RSPH3: variants seen among roughly 807,000 people sequenced by gnomAD.
RSPH3 encodes the protein radial spoke head 3, also known as radial spoke head protein 3 homolog.
In RSPH3, 21 loss-of-function variants were observed where a neutral mutation model predicts 43.8. The ratio of observed to expected loss-of-function variants is 0.48; its 90% CI spans 0.34 to 0.69. The LOEUF (loss-of-function observed/expected upper bound fraction) is 0.69. Among genes scored for constraint, RSPH3 ranks in the 30% least tolerant of loss-of-function variants. The probability of loss-of-function intolerance (pLI) is 0.01; values close to 1 mark genes in which losing one functional copy is unlikely to be tolerated. For synonymous variants in RSPH3, 173 were observed against 179.8 expected (o/e 0.96, Z 0.30); for missense variants, 487 against 516.0 (o/e 0.94, Z 0.54).
chr6:158,977,725 G>A lies in RSPH3; in HGVS notation c.1070C>T (p.Ala357Val). The change falls in exon 8 of 8, where the codon GCC becomes GTC. Residue 357 changes from alanine to valine, a missense_variant. Transcript: ENST00000367069. ...CATGCTCTGCTCCAGGAATTCAGAG[G>A]CCTCCAGTGACTCTGTCATTGCTCC... ...GPGAMTESLEASEFLEQSMSQ... is the reference protein window; with the variant it reads ...GPGAMTESLEVSEFLEQSMSQ... 1 of 1,614,054 alleles carries A rather than the reference G, an allele frequency of 6.2e-7. No homozygotes were observed. The highest frequency in any genetic ancestry group is 8.5e-7 in the Non-Finnish European group (1 of 1,179,946).
intron 4 of RSPH3, among the ~76,000 whole-genome samples, chr6:158,983,162 G>C (rs1280066643): frequency 6.6e-6 from 1 of 152,020 alleles, no homozygotes; most frequent in African/African-American, 2.4e-5. Flanking sequence ...AACTCACTTA[G>C]GTCATTATGA....
chr6:158,991,526 G>A (rs1778405715), intron 2 of RSPH3, among the ~76,000 whole-genome samples: 1 of 152,158 alleles, frequency 6.6e-6, no homozygotes, highest in South Asian at 2.1e-4. Context: ...TGGTGGTGTA[G>A]GGCGAGTGCA....
intron 2 of RSPH3, among the ~76,000 whole-genome samples, chr6:158,988,547 A>G (rs1457200404): frequency 3.3e-5 from 5 of 152,080 alleles, no homozygotes; most frequent in African/African-American, 9.7e-5. Context: ...GTAATTTTCT[A>G]TATCTTATAA....
the RSPH3 span, among the ~76,000 whole-genome samples, chr6:158,966,557 A>G: frequency 0.011 from 1,627 of 152,172 alleles, 26 homozygotes; most frequent in African/African-American, 0.036. Context: ...GGTAAATTGT[A>G]TCTTTCTAGG....
At chr6:158,966,806 T>C in the RSPH3 span, among the ~76,000 whole-genome samples, 8 of 152,130 alleles carry the variant, frequency 5.3e-5, no homozygotes, top group Non-Finnish European at 1.0e-4. Flanking sequence ...TGTTTTTCTA[T>C]TCTCTATTTC....
chr6:158,982,002 G>T (rs1041509367), intron 5 of RSPH3, among the ~76,000 whole-genome samples: 6 of 151,838 alleles, frequency 4.0e-5, no homozygotes, highest in Admixed American at 3.9e-4. Context: ...AACCCAAATA[G>T]GTCTGGTGTG....
chr6:158,982,363 A>C, intron 5 of RSPH3, 122 bp downstream of exon 5: 1 of 630,318 alleles, frequency 1.6e-6, no homozygotes, highest in African/African-American at 1.8e-5. Context: ...AATACTATAG[A>C]TCTTTTTCTA....
Position 158,977,356 on chromosome 6 carries a change from A to G in RSPH3, c.*182T>C, listed in dbSNP as rs1777877285. ...TTTGAATATTCTATTAAATAAATGA[A>G]TTCAATTTAAGTTTCATTCTCAAAT... is the stretch of plus-strand genomic sequence containing the variant. On this transcript the variant is annotated 3_prime_UTR_variant, in exon 8 of 8. Coordinates refer to ENST00000367069, the MANE Select transcript of RSPH3 (RefSeq NM_031924.8). The G allele has an allele frequency of 1.8e-6, 1 of 553,730 alleles. No individual in the cohort carries two copies. The highest frequency in any genetic ancestry group is 3.2e-6 in the Non-Finnish European group (1 of 317,106). The allele number at this position is 553,730 out of a possible 1,614,324, so 34.3% of individuals were successfully genotyped here. A position where few individuals can be genotyped will look rare whatever the true frequency, so the allele number is the denominator to read the frequency against.
intron 2 of RSPH3, among the ~76,000 whole-genome samples, chr6:158,991,761 T>C (rs895082936): frequency 2.6e-5 from 4 of 152,224 alleles, no homozygotes; most frequent in African/African-American, 7.2e-5. Flanking sequence ...GAGGTTCTAA[T>C]GCAGGAGATC....
intron 1 of RSPH3, among the ~76,000 whole-genome samples, chr6:158,997,170 T>A (rs117809745): frequency 0.018 from 2,706 of 152,182 alleles, 33 homozygotes; most frequent in Middle Eastern, 0.024. Flanking sequence ...CTTCTCAGTC[T>A]GCAGAGCTGT....
chr6:158,991,589 A>AT lies in RSPH3; in HGVS notation c.204+2249dup, dbSNP rs1457098378. On this transcript the variant is annotated intron_variant, in intron 2 of 7. Transcript: ENST00000367069. ...CTTGTTACTACCAGATAGGACTGCA[A>AT]TTCAGCTACCCCACTGGGTTTGCTG... Among the ~76,000 whole-genome samples, 5 of 152,182 alleles carry AT rather than the reference A, an allele frequency of 3.3e-5. No individual in the cohort carries two copies. The East Asian group carries it at 9.6e-4, about 29-fold the overall frequency.
In RSPH3 at chr6:158,977,744, T is replaced by C; in HGVS notation, c.1051A>G (p.Met351Val). 6.2e-7 allele frequency: 1 copy of C among 1,614,178 alleles called. No homozygotes were observed. Among genetic ancestry groups the C allele is most frequent in the South Asian group, 1.1e-5 (1 of 91,082 alleles). The stretch of plus-strand genomic sequence containing the variant: ...TCAGAGGCCTCCAGTGACTCTGTCA[T>C]TGCTCCAGGACCACCAGGCTCATCC... ...PEDEPGGPGAMTESLEASEFL... is the reference protein window; with the variant it reads ...PEDEPGGPGAVTESLEASEFL... The change falls in exon 8 of 8, where the codon ATG (methionine) becomes GTG (valine). Residue 351 changes from methionine to valine, a missense_variant. Transcript: ENST00000367069.
the RSPH3 span, among the ~76,000 whole-genome samples, chr6:158,966,735 G>C: frequency 4.4e-4 from 67 of 150,614 alleles, no homozygotes; most frequent in African/African-American, 1.6e-3. Flanking sequence ...TTTTGGGTTT[G>C]TCAATTTTGT....
Position 158,977,819 on chromosome 6 carries a change from G to T in RSPH3, c.976C>A (p.Leu326Met). 6.2e-7 allele frequency: 1 copy of T among 1,612,524 alleles called. No individual in the cohort carries two copies. The highest frequency in any genetic ancestry group is 2.2e-5 in the East Asian group (1 of 44,850). The change falls in exon 8 of 8, where the codon CTG (leucine) becomes ATG (methionine). Residue 326 changes from leucine (L) to methionine (M), a missense_variant. Transcript: ENST00000367069. ...MLIREVVEKR[L>M]CMYEHGEDTH... ...TCTTCCCCATGCTCATACATACACAGCCTCTTTTCAACCACCTCACGGATC... is the reference window on the plus strand; with the variant it reads ...TCTTCCCCATGCTCATACATACACATCCTCTTTTCAACCACCTCACGGATC...
intron 1 of RSPH3, among the ~76,000 whole-genome samples, chr6:158,997,318 C>T (rs1218888256): frequency 1.4e-5 from 2 of 141,534 alleles, no homozygotes; most frequent in Non-Finnish European, 3.0e-5. Flanking sequence ...GTCGCCCAGG[C>T]TGGAGTGCAG....
rs41267757 is a variant in RSPH3 at position 158,999,770 on chromosome 6, G to C, written c.-220C>G. 4.3e-6 allele frequency: 7 copies of C among 1,610,856 alleles called. No homozygotes were observed. Among genetic ancestry groups the C allele is most frequent in the African/African-American group, 1.3e-5 (1 of 74,888 alleles). The stretch of plus-strand genomic sequence containing the variant: ...TCCCAGCACCACAGAGACCAGCTGC[G>C]GGGGCCGCATCGGTTGCCCAGCAAC... On this transcript the variant is annotated 5_prime_UTR_variant, in exon 1 of 8. Transcript: ENST00000367069.
At chr6:158,971,486 T>C (rs1322976225), downstream of RSPH3, among the ~76,000 whole-genome samples, 1 of 152,160 alleles carries the variant, frequency 6.6e-6, no homozygotes, top group African/African-American at 2.4e-5. Context: ...TATAAACATG[T>C]AGTCAGGACA....
At chr6:158,978,164 A>C (rs1583700949) in intron 7 of RSPH3, 96 bp downstream of exon 7, 2 of 744,988 alleles carry the variant, frequency 2.7e-6, no homozygotes, top group Non-Finnish European at 4.5e-6. Context: ...TAAAAGTTTA[A>C]ATATTCAAAC....
At chr6:158,977,959 C>G (rs764116961) in intron 7 of RSPH3, 111 bp from the exon 8 acceptor site, 25 of 893,882 alleles carry the variant, frequency 2.8e-5, no homozygotes, top group Non-Finnish European at 4.1e-5. Context: ...AGCCTCATCT[C>G]TTTCCTATGT....
Sources: gnomAD v4.1 joint callset for allele counts (sites outside exome capture counted in the v4.1 genomes callset) on GRCh38, gnomAD v4.1.1 for gene constraint, MANE v1.5 for transcripts, NCBI Gene and HGNC (gene_info 2026-07-23, HGNC 2026-07-21) for gene names.